The following PAFAH2 variants were observed in gnomAD, a reference collection of about 807,000 sequenced individuals.
PAFAH2 encodes platelet-activating factor acetylhydrolase 2, cytoplasmic.
PAFAH2 carries 42 observed loss-of-function variants against 49.0 expected under a neutral mutation model. The ratio of observed to expected loss-of-function variants is 0.86; its 90% CI spans 0.67 to 1.11. PAFAH2 has a LOEUF of 1.11. PAFAH2 is among the 50% of genes least tolerant of loss of function. The pLI is 0.00. For synonymous variants in PAFAH2, 184 were observed against 181.3 expected, an observed-to-expected ratio of 1.01 and a Z score of -0.12; for missense variants, 503 against 501.8, an observed-to-expected ratio of 1.00 and a Z score of -0.02.
At chr1:25,976,236 T>G (rs1206613400) in intron 8 of PAFAH2, among the ~76,000 whole-genome samples, 2 of 152,168 alleles carry the variant, frequency 1.3e-5, no homozygotes, top group Non-Finnish European at 2.9e-5. Flanking sequence ...ACTCCTGGGC[T>G]CAAGTGATCC....
chr1:25,962,137 A>G, intron 10 of PAFAH2, 54 bp from the exon 11 acceptor site: 1 of 1,445,576 alleles, frequency 6.9e-7, no homozygotes, highest in Non-Finnish European at 9.7e-7. Context: ...GTTTGGTCAA[A>G]GAGTAGCTGA....
intron 1 of PAFAH2, among the ~76,000 whole-genome samples, chr1:25,991,353 C>T (rs1047028817): frequency 1.3e-5 from 2 of 151,856 alleles, no homozygotes; most frequent in Non-Finnish European, 2.9e-5. Context: ...TGATCTTGCT[C>T]GCTGCAACCT....
intron 3 of PAFAH2, among the ~76,000 whole-genome samples, chr1:25,989,164 C>T (rs2049834744): frequency 6.6e-6 from 1 of 152,194 alleles, no homozygotes; most frequent in Non-Finnish European, 1.5e-5. Context: ...ACATCCCGTA[C>T]TACAAACCCC....
chr1:25,963,596 C>T (rs188725586), intron 10 of PAFAH2, among the ~76,000 whole-genome samples: 34 of 152,252 alleles, frequency 2.2e-4, no homozygotes, highest in Non-Finnish European at 8.8e-5. Flanking sequence ...CTCTGCCTCC[C>T]AGGTTCAAGT....
At position 25,961,299 on chromosome 1, in the gene PAFAH2, T is replaced by G. The variant is rs949112474; in HGVS notation, c.*690A>C. 6.6e-6 allele frequency: 1 copy of G among 152,170 alleles called. No homozygotes were observed. The highest frequency in any genetic ancestry group is 2.4e-5 in the African/African-American group (1 of 41,428). The allele number at this position is 152,170 out of a possible 1,614,324, so 9.4% of individuals were successfully genotyped here. ...ACACTTAGCAAAACCCCCAAAGACA[T>G]CCAGAGCTTCTGAGGTACCTCTGTG... On this transcript the variant is annotated 3_prime_UTR_variant, in exon 11 of 11. Coordinates refer to ENST00000374282, the MANE Select transcript of PAFAH2 (RefSeq NM_000437.4).
chr1:25,975,055 G>C (rs552545318), intron 8 of PAFAH2, among the ~76,000 whole-genome samples: 1 of 152,284 alleles, frequency 6.6e-6, no homozygotes, highest in South Asian at 2.1e-4. Flanking sequence ...AGGGAAGACA[G>C]AATAGACAAA....
chr1:25,992,706 G>A (rs948406605), intron 1 of PAFAH2, among the ~76,000 whole-genome samples: 1 of 152,178 alleles, frequency 6.6e-6, no homozygotes. Flanking sequence ...GGACAATGTG[G>A]TTGTAACATG....
chr1:25,983,185 G>C (rs1386996636), intron 6 of PAFAH2, among the ~76,000 whole-genome samples: 2 of 152,000 alleles, frequency 1.3e-5, no homozygotes. Context: ...GAGTTCAGGA[G>C]TTTGAGACCA....
intron 2 of PAFAH2, among the ~76,000 whole-genome samples, chr1:25,990,491 C>A (rs1249804739): frequency 6.6e-6 from 1 of 152,138 alleles, no homozygotes; most frequent in Non-Finnish European, 1.5e-5. Context: ...CTAGAGTCCC[C>A]CCTTTCCTCC....
Position 25,974,606 on chromosome 1 carries a change from T to G in PAFAH2, c.803A>C (p.Asp268Ala). The change falls in exon 9 of 11, where the codon GAC becomes GCC. Residue 268 changes from aspartate to alanine, a missense_variant. By Grantham distance (126) the Asp-to-Ala change is moderately radical (BLOSUM62 -2). Coordinates refer to ENST00000374282, the MANE Select transcript of PAFAH2 (RefSeq NM_000437.4). ...LDAWMFPLER[D>A]FYPKARGPVF... Reference sequence around the variant, plus strand: ...AGGTCCTCGGGCCTTGGGGTAAAAGTCACGTTCCAGAGGAAACATCCAAGC... The same window carrying G: ...AGGTCCTCGGGCCTTGGGGTAAAAGGCACGTTCCAGAGGAAACATCCAAGC... 2.5e-6 allele frequency: 4 copies of G among 1,614,046 alleles called. No individual in the cohort carries two copies. The South Asian group carries it at 4.4e-5, about 18-fold the overall frequency.
chr1:25,996,022 C>T (rs1371962522), intron 1 of PAFAH2, among the ~76,000 whole-genome samples: 1 of 152,114 alleles, frequency 6.6e-6, no homozygotes, highest in Non-Finnish European at 1.5e-5. Flanking sequence ...GAACAAGTTC[C>T]TCAAACTCTA....
intron 9 of PAFAH2, 38 bp downstream of exon 9, chr1:25,974,442 G>A: frequency 6.6e-7 from 1 of 1,509,040 alleles, no homozygotes. Flanking sequence ...GTGGCAAATG[G>A]AGAGGGCCCT....
At chr1:25,997,501 C>A (rs1325598780) in intron 1 of PAFAH2, 1 of 152,226 alleles carries the variant, frequency 6.6e-6, no homozygotes, top group African/African-American at 2.4e-5. Flanking sequence ...GAAACTGAGT[C>A]CCAGAGTTGT....
chr1:25,973,491 A>C (rs2049540171), intron 9 of PAFAH2, among the ~76,000 whole-genome samples: 1 of 152,224 alleles, frequency 6.6e-6, no homozygotes, highest in South Asian at 2.1e-4. Flanking sequence ...TCAGTTGAAT[A>C]AACGATACAT....
chr1:25,977,887 G>A (rs1341346783), intron 7 of PAFAH2, among the ~76,000 whole-genome samples: 7 of 152,118 alleles, frequency 4.6e-5, no homozygotes, highest in Admixed American at 4.6e-4. Context: ...GCCAGTGCAG[G>A]TTCTACTTCC....
intron 10 of PAFAH2, chr1:25,964,430 G>C (rs1338802881): frequency 6.6e-6 from 1 of 152,162 alleles, no homozygotes; most frequent in Non-Finnish European, 1.5e-5. Flanking sequence ...ATTTTTCTGG[G>C]TGCACTGGCT....
At chr1:25,996,629 G>A (rs773769075) in intron 1 of PAFAH2, among the ~76,000 whole-genome samples, 2 of 152,060 alleles carry the variant, frequency 1.3e-5, no homozygotes, top group African/African-American at 2.4e-5. Flanking sequence ...GCGACAGAGC[G>A]AGACTCCATC....
chr1:25,963,164 T>A (rs1458759715), intron 10 of PAFAH2, among the ~76,000 whole-genome samples: 2 of 152,220 alleles, frequency 1.3e-5, no homozygotes, highest in African/African-American at 4.8e-5. Flanking sequence ...ACCACTCTCA[T>A]GCATTTTTGG....
At chr1:25,983,549 C>A (rs12136909) in intron 6 of PAFAH2, among the ~76,000 whole-genome samples, 78,851 of 146,398 alleles carry the variant, frequency 0.54, 24,115 homozygotes, top group East Asian at 0.7. Context: ...AGAGCAAGAT[C>A]CTGTCTCAAA....
Sources: gnomAD v4.1 joint callset for allele counts (sites outside exome capture counted in the v4.1 genomes callset) on GRCh38, gnomAD v4.1.1 for gene constraint, MANE v1.5 for transcripts, NCBI Gene and HGNC (gene_info 2026-07-23, HGNC 2026-07-21) for gene names.